RHCE: variants seen among roughly 807,000 people sequenced by gnomAD.
RHCE encodes the protein Rh blood group CcEe antigens.
RHCE carries 22 observed loss-of-function variants against 43.8 expected under a neutral mutation model. The ratio of observed to expected loss-of-function variants is 0.50; its 90% confidence interval spans 0.36 to 0.72. The LOEUF (loss-of-function observed/expected upper bound fraction) is 0.72. Among genes scored for constraint, RHCE ranks in the 30% least tolerant of loss-of-function variants. RHCE has a pLI of 0.00. For missense variants in RHCE, 385 were observed against 525.4 expected (o/e 0.73, Z 2.61); for synonymous variants, 156 against 210.7 (o/e 0.74, Z 2.25).
intron 2 of RHCE, among the ~76,000 whole-genome samples, chr1:25,428,302 G>C (rs985601624): frequency 1.3e-5 from 2 of 152,166 alleles, no homozygotes; most frequent in Non-Finnish European, 2.9e-5. Flanking sequence ...GCTGGAGCCC[G>C]GACTTTACCA....
rs953701042 is a variant in RHCE at position 25,368,829 on chromosome 1, C to T, written c.1227+1638G>A. Among the ~76,000 whole-genome samples, 12 of 151,474 alleles carry T rather than the reference C, an allele frequency of 7.9e-5. 1 individual carries two copies. Among genetic ancestry groups the T allele is most frequent in the Admixed American group, 2.6e-4 (4 of 15,236 alleles). On this transcript the variant is annotated intron_variant, in intron 9 of 9. Coordinates refer to ENST00000294413, the MANE Select transcript of RHCE (RefSeq NM_020485.8). ...AGGCTGGAGTGCAGTGGCATGATCT[C>T]AGATCACTGCAAACTTCGCTTCCCA...
intron 3 of RHCE, among the ~76,000 whole-genome samples, chr1:25,402,295 T>C (rs1446053627): frequency 1.3e-5 from 2 of 151,888 alleles, no homozygotes; most frequent in African/African-American, 4.8e-5. Flanking sequence ...CCCAGGTTCA[T>C]CTCTAACTCC....
At chr1:25,399,497 C>A (rs190993382) in intron 3 of RHCE, among the ~76,000 whole-genome samples, 5 of 152,228 alleles carry the variant, frequency 3.3e-5, no homozygotes, top group African/African-American at 1.2e-4. Flanking sequence ...CTTTTAATTT[C>A]TCAATCTCTT....
chr1:25,380,732 G>A (rs1645967113), intron 7 of RHCE, among the ~76,000 whole-genome samples: 1 of 152,056 alleles, frequency 6.6e-6, no homozygotes, highest in Admixed American at 6.6e-5. Context: ...ACCCAAGGCA[G>A]CCCTGGGCAG....
chr1:25,386,533 A>G (rs1646167601), intron 6 of RHCE, among the ~76,000 whole-genome samples: 1 of 152,202 alleles, frequency 6.6e-6, no homozygotes, highest in Non-Finnish European at 1.5e-5. Context: ...TCAGAATAAA[A>G]ATCCAGGTCG....
intron 1 of RHCE, chr1:25,411,622 T>C (rs1647082016): frequency 3.6e-6 from 2 of 561,148 alleles, no homozygotes; most frequent in Non-Finnish European, 6.0e-6. Context: ...TTCAACTCTT[T>C]GCACTTCTTC....
chr1:25,410,426 C>T (rs578025047), intron 1 of RHCE, among the ~76,000 whole-genome samples: 8 of 151,994 alleles, frequency 5.3e-5, no homozygotes, highest in African/African-American at 1.9e-4. Context: ...CTGCAACCAG[C>T]ATGTAGACAA....
rs753644502 is a variant in RHCE, at chr1:25,411,323, C to G, written c.149-2454G>C. 19 of 1,550,324 alleles carry G rather than the reference C, an allele frequency of 1.2e-5. No homozygotes were observed. The South Asian group carries it at 2.3e-4, about 18-fold the overall frequency. On this transcript the variant is annotated intron_variant, in intron 1 of 9. Coordinates refer to ENST00000294413, the MANE Select transcript of RHCE (RefSeq NM_020485.8). ...TTCATCAACATCATCATGACAATCA[C>G]AGCAATAGGAACTCACCTGCCACTG...
At position 25,369,501 on chromosome 1, in the gene RHCE, G is replaced by A. The variant is rs142213878; in HGVS notation, c.1227+966C>T. 1.6e-3 allele frequency among the ~76,000 whole-genome samples: 240 copies of A among 151,424 alleles called. 1 individual carries two copies. Among genetic ancestry groups the A allele is most frequent in the Non-Finnish European group, 2.6e-3 (180 of 67,950 alleles). On this transcript the variant is annotated intron_variant, in intron 9 of 9. Coordinates refer to ENST00000294413, the MANE Select transcript of RHCE (RefSeq NM_020485.8). ...TAGGTCAAAGGGAGGAGAGTGGGAG[G>A]GGAGGCAGGGAGTGAGCTCCAACCT...
At chr1:25,385,362 AG>A (rs1646121027) in intron 7 of RHCE, 1 of 390,208 alleles carries the variant, frequency 2.6e-6, no homozygotes. Context: ...GCTAGTACGC[AG>A]TGGGAGCACG....
intron 6 of RHCE, among the ~76,000 whole-genome samples, chr1:25,388,507 C>T (rs1646254215): frequency 6.7e-6 from 1 of 148,816 alleles, no homozygotes; most frequent in Non-Finnish European, 1.5e-5. Flanking sequence ...ACCAAAGAGC[C>T]CCTTCTCCAG....
chr1:25,388,981 G>T lies in RHCE; in HGVS notation c.934C>A (p.Leu312Met). 1 of 1,614,244 alleles carries T rather than the reference G, an allele frequency of 6.2e-7. No individual in the cohort carries two copies. Among genetic ancestry groups the T allele is most frequent in the Non-Finnish European group, 8.5e-7 (1 of 1,180,050 alleles). Reference sequence around the variant, plus strand: ...TTAGTTGTCTAGTTTCTTACCGGCAGGCACTTGGCTCCCCCGATGGAGATC... The same window carrying T: ...TTAGTTGTCTAGTTTCTTACCGGCATGCACTTGGCTCCCCCGATGGAGATC... The part of the protein sequence containing the change: ...GLISIGGAKC[L>M]PVCCNRVLGI... Residue 312 changes from leucine (L) to methionine (M), a missense_variant, in exon 6 of 10, where the codon CTG becomes ATG. By Grantham distance (15) the Leu-to-Met change is conservative (BLOSUM62 2). Coordinates refer to ENST00000294413, the MANE Select transcript of RHCE (RefSeq NM_020485.8).
intron 9 of RHCE, among the ~76,000 whole-genome samples, chr1:25,369,661 G>C (rs1645544132): frequency 6.7e-6 from 1 of 149,756 alleles, no homozygotes; most frequent in African/African-American, 2.5e-5. Flanking sequence ...CAATTTTTTT[G>C]TGCCTGCTTG....
At chr1:25,388,625 GT>G (rs773636790) in intron 6 of RHCE, among the ~76,000 whole-genome samples, 20 of 152,178 alleles carry the variant, frequency 1.3e-4, no homozygotes, top group Non-Finnish European at 1.8e-4. Flanking sequence ...GGTCTATAGA[GT>G]AAGAATAAAG....
chr1:25,373,946 G>C lies in RHCE; in HGVS notation c.1153+1403C>G, dbSNP rs530766941. Among the ~76,000 whole-genome samples, 15 of 149,270 alleles carry C rather than the reference G, an allele frequency of 1.0e-4. 1 individual carries two copies. Among genetic ancestry groups the C allele is most frequent in the South Asian group, 8.4e-4 (4 of 4,734 alleles). ...AGCCATTCCCCTACTTCAGCCTCCC[G>C]AGTAGCTGGGACTACAGGCACACAC... On this transcript the variant is annotated intron_variant, in intron 8 of 9. Coordinates refer to ENST00000294413, the MANE Select transcript of RHCE (RefSeq NM_020485.8).
Position 25,408,673 on chromosome 1 carries a change from A to G in RHCE, c.335+10T>C. The G allele has an allele frequency of 2.3e-6, 3 of 1,280,550 alleles. 1 individual carries two copies. In the South Asian group the frequency reaches 5.6e-5, roughly 24 times the overall value. 79.3% of individuals were successfully genotyped at this position (1,280,550 alleles called of 1,614,324 possible). A position where few individuals can be genotyped will look rare whatever the true frequency, so the allele number is the denominator to read the frequency against. Reference sequence around the variant, plus strand: ...ATGACCCAGAAGTGATCCAGCCACCATCCCAATACCTGAACAGTGTGATGA... The same window carrying G: ...ATGACCCAGAAGTGATCCAGCCACCGTCCCAATACCTGAACAGTGTGATGA... On this transcript the variant is annotated intron_variant, in intron 2 of 9. Transcript: ENST00000294413.
At chr1:25,409,833 TAC>T (rs1190178690) in intron 1 of RHCE, among the ~76,000 whole-genome samples, 5 of 151,712 alleles carry the variant, frequency 3.3e-5, no homozygotes. Flanking sequence ...GTCACCATTT[TAC>T]AGATATGAAA....
In RHCE at chr1:25,394,562, T is replaced by A. The variant is rs531492166; in HGVS notation, c.487-2421A>T. 7.2e-5 allele frequency among the ~76,000 whole-genome samples: 11 copies of A among 152,348 alleles called. No individual in the cohort carries two copies. The South Asian group carries it at 2.3e-3, about 32-fold the overall frequency. On this transcript the variant is annotated intron_variant, in intron 3 of 9. Transcript: ENST00000294413. ...CTGTGGTACTTACCACTCTCTAACA[T>A]GCTATATCTTTTGCCTATTTTATTG...
chr1:25,412,491 T>C (rs1038092321), intron 1 of RHCE, among the ~76,000 whole-genome samples: 4 of 151,954 alleles, frequency 2.6e-5, no homozygotes, highest in African/African-American at 9.7e-5. Context: ...GGAAGGAGGA[T>C]TGCTTGAGCT....
Sources: allele counts gnomAD v4.1 joint callset (sites outside exome capture counted in the v4.1 genomes callset), GRCh38; gene constraint gnomAD v4.1.1; transcripts MANE v1.5; gene names NCBI Gene and HGNC (gene_info 2026-07-23, HGNC 2026-07-21).